The following CNKSR2 variants were observed in gnomAD, a reference collection of about 807,000 sequenced individuals.
The protein encoded by CNKSR2 is CNK homolog protein 2.
A neutral mutation model predicts 84.4 loss-of-function variants in CNKSR2; 14 were observed. That is an observed-to-expected ratio of 0.17 (90% CI 0.11 to 0.26). The LOEUF is 0.26. Ranked by LOEUF, CNKSR2 falls within the 10% of genes least tolerant of loss-of-function variation. The pLI is 1.00. For synonymous variants in CNKSR2, 275 were observed against 277.9 expected, an observed-to-expected ratio of 0.99 and a Z score of 0.10; for missense variants, 485 against 771.2, an observed-to-expected ratio of 0.63 and a Z score of 4.40.
chrX:21,502,516 A>G (rs2091569666), intron 8 of CNKSR2, among the ~76,000 whole-genome samples: 1 of 110,059 alleles, frequency 9.1e-6, no homozygotes, highest in Admixed American at 9.7e-5. Context: ...CTATTACACA[A>G]TTTAACTAAA....
At chrX:21,410,835 T>C (rs1428022572) in intron 1 of CNKSR2, among the ~76,000 whole-genome samples, 3 of 108,658 alleles carry the variant, frequency 2.8e-5, no homozygotes, top group East Asian at 2.9e-4. Context: ...TGTAAACTTA[T>C]TGAGTAGTTA....
At chrX:21,608,868 G>T (rs1175256424) in intron 19 of CNKSR2, among the ~76,000 whole-genome samples, 1 of 111,849 alleles carries the variant, frequency 8.9e-6, no homozygotes, top group African/African-American at 3.3e-5. Context: ...TGGTATAGCC[G>T]CATTCCAATA....
chrX:21,529,333 T>C (rs1308715223), intron 10 of CNKSR2, among the ~76,000 whole-genome samples: 2 of 111,342 alleles, frequency 1.8e-5, no homozygotes, highest in Non-Finnish European at 3.8e-5. Context: ...TTATTATATG[T>C]CTTGTGACTA....
chrX:21,480,593 G>A (rs768645460), intron 5 of CNKSR2, among the ~76,000 whole-genome samples: 21 of 111,417 alleles, frequency 1.9e-4, no homozygotes, highest in Non-Finnish European at 3.8e-4. Context: ...ATAGAATTGA[G>A]ATTTTCCCAG....
intron 5 of CNKSR2, among the ~76,000 whole-genome samples, chrX:21,483,082 A>T (rs2091339018): frequency 1.8e-5 from 2 of 111,718 alleles, no homozygotes; most frequent in Non-Finnish European, 3.8e-5. Flanking sequence ...AATTCTCTGT[A>T]CTCGTATGAA....
At chrX:21,592,761 G>C (rs1020914279) in intron 15 of CNKSR2, 1 of 110,483 alleles carries the variant, frequency 9.1e-6, no homozygotes, top group Non-Finnish European at 1.9e-5. Flanking sequence ...TTCGCTAAGT[G>C]TGTCTTATTT....
chrX:21,544,683 G>A (rs987311343), intron 11 of CNKSR2, among the ~76,000 whole-genome samples: 5 of 111,293 alleles, frequency 4.5e-5, no homozygotes, highest in Admixed American at 9.4e-5. Context: ...TTCCAACTGA[G>A]GTACCTGGCT....
chrX:21,599,396 C>T (rs1161552028), intron 17 of CNKSR2, among the ~76,000 whole-genome samples: 1 of 105,478 alleles, frequency 9.5e-6, no homozygotes, highest in Non-Finnish European at 2.0e-5. Context: ...GATGGAGTCT[C>T]GCTCTGTCAC....
chrX:21,624,143 C>G (rs2092612845), intron 20 of CNKSR2, among the ~76,000 whole-genome samples: 1 of 111,872 alleles, frequency 8.9e-6, no homozygotes, highest in Non-Finnish European at 1.9e-5. Flanking sequence ...AGTTGATAAA[C>G]TATTTTCACA....
rs1004104986 is a variant in CNKSR2, at chrX:21,653,975, G to A, written c.*1454G>A. 3 of 111,343 alleles carry A rather than the reference G, an allele frequency of 2.7e-5. No homozygotes were observed. Among genetic ancestry groups the A allele is most frequent in the Non-Finnish European group, 5.7e-5 (3 of 53,064 alleles). 9.2% of individuals were successfully genotyped at this position (111,343 alleles called of 1,213,427 possible). ...ATATATGCCAGTGAATATTTTTGCT[G>A]TAGAGGAGAAAGTAAAAACTCCACA... On this transcript the variant is annotated 3_prime_UTR_variant, in exon 22 of 22. Transcript: ENST00000379510.
intron 1 of CNKSR2, among the ~76,000 whole-genome samples, chrX:21,394,148 A>C (rs2090088848): frequency 8.9e-6 from 1 of 112,077 alleles, no homozygotes; most frequent in Admixed American, 9.5e-5. Flanking sequence ...GCTGAGGAAT[A>C]ATTAATATAT....
chrX:21,597,263 A>G (rs753278941), intron 17 of CNKSR2, among the ~76,000 whole-genome samples: 16 of 111,778 alleles, frequency 1.4e-4, no homozygotes, highest in African/African-American at 5.2e-4. Context: ...AAGGATGCTG[A>G]TGTCACTGCT....
chrX:21,432,474 T>C (rs1327569063), intron 2 of CNKSR2, 138 bp from the exon 3 acceptor site: 2 of 463,883 alleles, frequency 4.3e-6, no homozygotes, highest in African/African-American at 5.0e-5. Context: ...TGGGCTCCGC[T>C]AGGTCAGGAA....
intron 13 of CNKSR2, among the ~76,000 whole-genome samples, chrX:21,563,756 A>G (rs2147192085): frequency 8.9e-6 from 1 of 112,030 alleles, no homozygotes; most frequent in Non-Finnish European, 1.9e-5. Flanking sequence ...ATGCACAGAT[A>G]GCTATAAAAT....
intron 3 of CNKSR2, among the ~76,000 whole-genome samples, chrX:21,435,900 A>T: frequency 9.0e-6 from 1 of 111,389 alleles, no homozygotes; most frequent in East Asian, 2.8e-4. Context: ...TCCTGTTTTG[A>T]TGGGATCAGT....
At chrX:21,464,738 A>G (rs2091105013) in intron 4 of CNKSR2, among the ~76,000 whole-genome samples, 1 of 111,992 alleles carries the variant, frequency 8.9e-6, no homozygotes, top group South Asian at 3.7e-4. Context: ...CAACTATTAT[A>G]TTAGATAGGC....
At chrX:21,391,322 C>T (rs1053801941) in intron 1 of CNKSR2, among the ~76,000 whole-genome samples, 2 of 112,585 alleles carry the variant, frequency 1.8e-5, no homozygotes, top group African/African-American at 3.2e-5. Flanking sequence ...ATGAGGTCTC[C>T]TCCCCTGCAG....
At chrX:21,450,683 G>GA (rs35216887) in intron 4 of CNKSR2, among the ~76,000 whole-genome samples, 7 of 111,169 alleles carry the variant, frequency 6.3e-5, no homozygotes, top group South Asian at 7.6e-4. Context: ...TATTACAAGG[G>GA]AAAAAATGCC....
rs1030778644 is a variant in CNKSR2 at position 21,383,054 on chromosome X, C to G, written c.64+8093C>G. On this transcript the variant is annotated intron_variant, in intron 1 of 21. Coordinates refer to ENST00000379510, the MANE Select transcript of CNKSR2 (RefSeq NM_014927.5). ...AATTTAGAATCATTAAAATACAAATCAGAGTAAGTGAAATTGTAAAGATCT... is the reference window on the plus strand; with the variant it reads ...AATTTAGAATCATTAAAATACAAATGAGAGTAAGTGAAATTGTAAAGATCT... 3.6e-5 allele frequency among the ~76,000 whole-genome samples: 4 copies of G among 111,688 alleles called. No individual in the cohort carries two copies. In the East Asian group the frequency reaches 1.1e-3, roughly 31 times the overall value.
Sources: gnomAD v4.1 joint callset for allele counts (sites outside exome capture counted in the v4.1 genomes callset) on GRCh38, gnomAD v4.1.1 for gene constraint, MANE v1.5 for transcripts, NCBI Gene and HGNC (gene_info 2026-07-23, HGNC 2026-07-21) for gene names.